The following NEK4 variants were observed in gnomAD, a reference collection of about 807,000 sequenced individuals.
NEK4 encodes the protein NIMA related kinase 4.
NEK4 carries 86 observed loss-of-function variants against 98.4 expected under a neutral mutation model. The observed-to-expected ratio is 0.87, with a 90% CI of 0.73 to 1.05. NEK4 has a LOEUF of 1.05. Among genes scored for constraint, NEK4 ranks in the 50% least tolerant of loss-of-function variants. NEK4 has a pLI of 0.00. For missense variants in NEK4, 898 were observed against 950.3 expected (o/e 0.94, Z 0.72); for synonymous variants, 328 against 342.2 (o/e 0.96, Z 0.46).
chr3:52,743,460 G>A lies in NEK4; in HGVS notation c.1896C>T (p.Gly632=), dbSNP rs1804480. 1 of 1,612,626 alleles carries A rather than the reference G, an allele frequency of 6.2e-7. No homozygotes were observed. The highest frequency in any genetic ancestry group is 8.5e-7 in the Non-Finnish European group (1 of 1,178,830). Residue 632 remains glycine, a splice_region_variant and synonymous_variant, in exon 12 of 16, where the codon GGC becomes GGT. Coordinates refer to ENST00000233027, the MANE Select transcript of NEK4 (RefSeq NM_003157.6). ...KQSQEEMSSS[G]PSVRKASLSV... is the part of the protein sequence containing the mutation. The stretch of plus-strand genomic sequence containing the variant: ...TCAGAGACGCTTTCCTCACTGAAGG[G>A]CCTGAAAAGGCAAACATCCCCAGTA...
intron 13 of NEK4, among the ~76,000 whole-genome samples, chr3:52,740,705 T>C (rs2097384355): frequency 6.6e-6 from 1 of 152,078 alleles, no homozygotes; most frequent in Non-Finnish European, 1.5e-5. Context: ...GACAGGAGAA[T>C]ACCTTGAACT....
At chr3:52,751,411 A>C (rs2097404727) in intron 7 of NEK4, among the ~76,000 whole-genome samples, 1 of 148,298 alleles carries the variant, frequency 6.7e-6, no homozygotes, top group African/African-American at 2.5e-5. Flanking sequence ...AGCCGAGATC[A>C]CGCCACTGCA....
intron 6 of NEK4, 35 bp from the exon 7 acceptor site, chr3:52,752,371 C>T (rs1437708931): frequency 4.5e-6 from 7 of 1,557,940 alleles, no homozygotes; most frequent in Non-Finnish European, 6.1e-6. Flanking sequence ...TATTATAGCA[C>T]TCCTCATATC....
intron 15 of NEK4, among the ~76,000 whole-genome samples, chr3:52,725,958 T>C (rs922221153): frequency 6.6e-6 from 1 of 152,104 alleles, no homozygotes; most frequent in Non-Finnish European, 1.5e-5. Context: ...AATCCACCTA[T>C]ATGCTATCTA....
chr3:52,723,388 C>G (rs1322463769), intron 15 of NEK4, among the ~76,000 whole-genome samples: 1 of 152,080 alleles, frequency 6.6e-6, no homozygotes, highest in Non-Finnish European at 1.5e-5. Context: ...GCTGGAATTA[C>G]AGGTGCATGC....
intron 15 of NEK4, among the ~76,000 whole-genome samples, chr3:52,728,287 G>T (rs2097366425): frequency 6.6e-6 from 1 of 152,132 alleles, no homozygotes; most frequent in Non-Finnish European, 1.5e-5. Flanking sequence ...GAGGTGGGAG[G>T]ATCACTTGAG....
At chr3:52,762,948 A>T (rs1698411741) in intron 5 of NEK4, among the ~76,000 whole-genome samples, 1 of 152,190 alleles carries the variant, frequency 6.6e-6, no homozygotes, top group Non-Finnish European at 1.5e-5. Flanking sequence ...TCTTCCAGAA[A>T]GCAGAAGATA....
At chr3:52,744,513 G>A (rs942270886) in intron 10 of NEK4, among the ~76,000 whole-genome samples, 18 of 151,832 alleles carry the variant, frequency 1.2e-4, no homozygotes, top group Middle Eastern at 3.2e-3. Context: ...GTGAAACCCC[G>A]TCTCTACTAA....
Position 52,760,713 on chromosome 3 carries a change from T to C in NEK4, c.963+82A>G, listed in dbSNP as rs1388440518. On this transcript the variant is annotated intron_variant, in intron 6 of 15. Coordinates refer to ENST00000233027, the MANE Select transcript of NEK4 (RefSeq NM_003157.6). ...CAGAATCTCTAGTAAAGCATAATCA[T>C]TTCACACAAAATAATTTGCTTAGAT... The C allele has an allele frequency of 4.3e-6, 4 of 927,816 alleles. No homozygotes were observed. In the East Asian group the frequency reaches 9.6e-5, roughly 22 times the overall value. The allele number at this position is 927,816 out of a possible 1,614,324, so 57.5% of individuals were successfully genotyped here.
chr3:52,753,724 T>C (rs2097409612), intron 6 of NEK4: 1 of 567,528 alleles, frequency 1.8e-6, no homozygotes, highest in East Asian at 4.8e-5. Flanking sequence ...GCATGCATGC[T>C]TCCTACAGAC....
At chr3:52,740,688 G>T (rs1337609244) in intron 13 of NEK4, among the ~76,000 whole-genome samples, 1 of 151,908 alleles carries the variant, frequency 6.6e-6, no homozygotes, top group African/African-American at 2.4e-5. Flanking sequence ...CTACTCGGCG[G>T]GGCTGAGACA....
intron 2 of NEK4, among the ~76,000 whole-genome samples, chr3:52,766,999 A>G (rs1341409000): frequency 6.6e-6 from 1 of 152,088 alleles, no homozygotes; most frequent in East Asian, 1.9e-4. Context: ...TCTCAAAAAA[A>G]AAAAAAATAT....
At position 52,743,473 on chromosome 3, in the gene NEK4, A is replaced by G; in HGVS notation, c.1895-12T>C. The G allele has an allele frequency of 6.2e-7, 1 of 1,605,562 alleles. No individual in the cohort carries two copies. Among genetic ancestry groups the G allele is most frequent in the Non-Finnish European group, 8.5e-7 (1 of 1,172,308 alleles). ...CCTCACTGAAGGGCCTGAAAAGGCA[A>G]ACATCCCCAGTAGTTGTTTGTGGTG... On this transcript the variant is annotated splice_polypyrimidine_tract_variant and intron_variant, in intron 11 of 15. Coordinates refer to ENST00000233027, the MANE Select transcript of NEK4 (RefSeq NM_003157.6).
chr3:52,730,110 A>G (rs2097368201), intron 15 of NEK4, among the ~76,000 whole-genome samples: 1 of 152,230 alleles, frequency 6.6e-6, no homozygotes, highest in Non-Finnish European at 1.5e-5. Context: ...CTATCTCAAA[A>G]ATAAATAAAT....
chr3:52,717,790 T>C (rs1007018981), intron 15 of NEK4, among the ~76,000 whole-genome samples: 1 of 152,036 alleles, frequency 6.6e-6, no homozygotes, highest in Non-Finnish European at 1.5e-5. Context: ...TAAATTATTA[T>C]TATTATTATT....
At position 52,744,275 on chromosome 3, in the gene NEK4, G is replaced by T; in HGVS notation, c.1858C>A (p.Arg620=). The change falls in exon 11 of 16, where the codon CGA becomes AGA. Residue 620 remains arginine (R), a synonymous_variant. Transcript: ENST00000233027. The part of the protein sequence containing the change: ...DRPLSARERR[R]LKQSQEEMSS... The stretch of plus-strand genomic sequence containing the variant: ...ATTTCTTCCTGTGACTGCTTTAGTC[G>T]CCTCCTCTCTCTGGCTGATAATGGT... The T allele has an allele frequency of 6.2e-7, 1 of 1,613,676 alleles. No homozygotes were observed. The highest frequency in any genetic ancestry group is 2.2e-5 in the East Asian group (1 of 44,876).
chr3:52,768,522 T>C lies in NEK4; in HGVS notation c.176A>G (p.Gln59Arg), dbSNP rs1245397572. ...AAEQEAQLLS[Q>R]LKHPNIVTYK... Reference sequence around the variant, plus strand: ...GGTGACAATGTTGGGATGCTTCAACTGAGACAAGAGCTGGGCTTCCTGTTC... The same window carrying C: ...GGTGACAATGTTGGGATGCTTCAACCGAGACAAGAGCTGGGCTTCCTGTTC... The change falls in exon 2 of 16, where the codon CAG (glutamine) becomes CGG (arginine). Residue 59 changes from glutamine to arginine, a missense_variant. Physicochemically the swap from Gln to Arg is conservative, Grantham distance 43. Transcript: ENST00000233027. 2.5e-6 allele frequency: 4 copies of C among 1,614,132 alleles called. No homozygotes were observed. The highest frequency in any genetic ancestry group is 1.7e-5 in the Admixed American group (1 of 60,010).
Position 52,743,428 on chromosome 3 carries a change from G to C in NEK4, c.1928C>G (p.Ala643Gly). The change falls in exon 12 of 16, where the codon GCA becomes GGA. Residue 643 changes from alanine to glycine, a missense_variant. By Grantham distance (60) the Ala-to-Gly change is moderately conservative. Coordinates refer to ENST00000233027, the MANE Select transcript of NEK4 (RefSeq NM_003157.6). ...PSVRKASLSV[A>G]GPGKPQEEDQ... Reference sequence around the variant, plus strand: ...TTCTTCCTGGGGTTTTCCTGGCCCTGCTACACTCAGAGACGCTTTCCTCAC... The same window carrying C: ...TTCTTCCTGGGGTTTTCCTGGCCCTCCTACACTCAGAGACGCTTTCCTCAC... 6.2e-7 allele frequency: 1 copy of C among 1,614,108 alleles called. No individual in the cohort carries two copies. The highest frequency in any genetic ancestry group is 2.2e-5 in the East Asian group (1 of 44,888).
intron 4 of NEK4, among the ~76,000 whole-genome samples, chr3:52,764,772 A>ACACATG (rs961668014): frequency 2.5e-5 from 2 of 79,618 alleles, no homozygotes; most frequent in African/African-American, 1.3e-4. Flanking sequence ...GCACACACAC[A>ACACATG]CACATGCACA....
Sources: gnomAD v4.1 joint callset for allele counts (sites outside exome capture counted in the v4.1 genomes callset) on GRCh38, gnomAD v4.1.1 for gene constraint, MANE v1.5 for transcripts, NCBI Gene and HGNC (gene_info 2026-07-23, HGNC 2026-07-21) for gene names.